C12orf54: variants seen among roughly 807,000 people sequenced by gnomAD.
C12orf54 encodes uncharacterized protein C12orf54.
A neutral mutation model predicts 26.4 loss-of-function variants in C12orf54; 24 were observed. That is an observed-to-expected ratio of 0.91 (90% CI 0.66 to 1.28). The LOEUF is 1.28. Among genes scored for constraint, C12orf54 ranks in the 50% most tolerant of loss-of-function variants. The pLI is 0.00. For synonymous variants in C12orf54, 54 were observed against 47.0 expected (o/e 1.15, Z -0.61); for missense variants, 154 against 150.9 (o/e 1.02, Z -0.11).
the C12orf54 span, among the ~76,000 whole-genome samples, chr12:48,473,950 A>G: frequency 1.3e-5 from 2 of 152,180 alleles, no homozygotes; most frequent in South Asian, 2.1e-4. Context: ...GACATTCCCC[A>G]TCTCTCATCC....
the C12orf54 span, among the ~76,000 whole-genome samples, chr12:48,476,706 T>C: frequency 6.7e-6 from 1 of 149,226 alleles, no homozygotes; most frequent in Non-Finnish European, 1.5e-5. Context: ...CTATCCTAAA[T>C]ATATATGCAC....
the C12orf54 span, among the ~76,000 whole-genome samples, chr12:48,420,192 C>A: frequency 1.1e-3 from 165 of 152,122 alleles, no homozygotes; most frequent in African/African-American, 3.8e-3. Flanking sequence ...ATGATAATAC[C>A]CAGTGGGTGG....
At chr12:48,422,446 C>A in the C12orf54 span, among the ~76,000 whole-genome samples, 5 of 152,104 alleles carry the variant, frequency 3.3e-5, no homozygotes, top group Non-Finnish European at 7.4e-5. Context: ...GGAGGCCATG[C>A]TTTTTAGCTT....
chr12:48,425,365 A>G, the C12orf54 span, among the ~76,000 whole-genome samples: 1 of 152,038 alleles, frequency 6.6e-6, no homozygotes, highest in Non-Finnish European at 1.5e-5. Flanking sequence ...GCTAAGGATA[A>G]TGGTCTCCAG....
the C12orf54 span, among the ~76,000 whole-genome samples, chr12:48,448,612 GC>G: frequency 2.6e-5 from 4 of 152,078 alleles, no homozygotes; most frequent in Non-Finnish European, 1.5e-5. Flanking sequence ...ATAATAACAA[GC>G]CCTTTTTCTC....
chr12:48,477,643 CTAGAAGGAATGCA>C (rs1439838728), upstream of C12orf54, among the ~76,000 whole-genome samples: 2 of 152,172 alleles, frequency 1.3e-5, no homozygotes, highest in Admixed American at 1.3e-4. Flanking sequence ...ACTAGAAAAT[CTAGAAGGAATGCA>C]TAAATTCCTC....
intron 7 of C12orf54, among the ~76,000 whole-genome samples, chr12:48,493,627 TAAAA>T (rs10535607): frequency 0.64 from 79,945 of 124,104 alleles, 25,857 homozygotes; most frequent in South Asian, 0.8. Context: ...ACTGTCTCAT[TAAAA>T]AAAAAAAAAA....
the C12orf54 span, among the ~76,000 whole-genome samples, chr12:48,467,575 G>T: frequency 6.6e-6 from 1 of 151,934 alleles, no homozygotes; most frequent in African/African-American, 2.4e-5. Flanking sequence ...TAAAATTCTA[G>T]AAAATACATA....
chr12:48,429,850 T>A, the C12orf54 span, among the ~76,000 whole-genome samples: 7 of 152,140 alleles, frequency 4.6e-5, no homozygotes, highest in African/African-American at 1.7e-4. Context: ...AGAGCCTACA[T>A]AGCCAAAGCA....
chr12:48,468,926 G>A, the C12orf54 span, among the ~76,000 whole-genome samples: 52 of 152,272 alleles, frequency 3.4e-4, no homozygotes, highest in African/African-American at 1.2e-3. Context: ...GTTCCATGAT[G>A]CCTGAGCCAC....
At chr12:48,424,614 A>T in the C12orf54 span, among the ~76,000 whole-genome samples, 3 of 152,280 alleles carry the variant, frequency 2.0e-5, no homozygotes, top group East Asian at 5.8e-4. Context: ...GGGAATACAG[A>T]ATAGTACAGA....
At chr12:48,421,317 C>A in the C12orf54 span, among the ~76,000 whole-genome samples, 1 of 141,816 alleles carries the variant, frequency 7.1e-6, no homozygotes, top group Admixed American at 7.4e-5. Flanking sequence ...GAACAGAGAG[C>A]GCAGGGAGGT....
chr12:48,463,305 C>T, the C12orf54 span, among the ~76,000 whole-genome samples: 1 of 151,716 alleles, frequency 6.6e-6, no homozygotes, highest in African/African-American at 2.4e-5. Context: ...CCTTTATGCA[C>T]ATAAACTAGA....
At chr12:48,463,453 GC>G in the C12orf54 span, among the ~76,000 whole-genome samples, 1 of 151,872 alleles carries the variant, frequency 6.6e-6, no homozygotes, top group South Asian at 2.1e-4. Flanking sequence ...ACTTTAAAAA[GC>G]CCAGGACCAG....
chr12:48,440,643 A>G, the C12orf54 span, among the ~76,000 whole-genome samples: 1 of 152,228 alleles, frequency 6.6e-6, no homozygotes, highest in Non-Finnish European at 1.5e-5. Flanking sequence ...CTCTGGTTAT[A>G]CATAGGTCCC....
At chr12:48,467,401 G>T in the C12orf54 span, among the ~76,000 whole-genome samples, 2 of 152,138 alleles carry the variant, frequency 1.3e-5, no homozygotes, top group African/African-American at 4.8e-5. Flanking sequence ...GTGGCAATTT[G>T]TTATGGCAGC....
At chr12:48,457,409 C>CT in the C12orf54 span, among the ~76,000 whole-genome samples, 2 of 152,186 alleles carry the variant, frequency 1.3e-5, no homozygotes, top group East Asian at 3.9e-4. Flanking sequence ...TCTCAGCTCA[C>CT]TGCAACCTCT....
chr12:48,475,257 C>A, the C12orf54 span, among the ~76,000 whole-genome samples: 6 of 152,114 alleles, frequency 3.9e-5, no homozygotes, highest in African/African-American at 1.4e-4. Context: ...ATGTCACCAT[C>A]ATCAAAGAAC....
rs1401123578 is a variant in C12orf54, at chr12:48,494,955, A to C, written c.*16A>C. On this transcript the variant is annotated 3_prime_UTR_variant, in exon 8 of 9. Coordinates refer to ENST00000548364, the MANE Select transcript of C12orf54 (RefSeq NM_152319.4). ...TGGACCCTAACTCTACAATCAAGGA[A>C]GAAGGACATCTCTGCTTCCGCCAGG... 6.2e-7 allele frequency: 1 copy of C among 1,611,084 alleles called. No homozygotes were observed. Among genetic ancestry groups the C allele is most frequent in the Admixed American group, 1.7e-5 (1 of 59,950 alleles).
Sources: allele counts gnomAD v4.1 joint callset (sites outside exome capture counted in the v4.1 genomes callset), GRCh38; gene constraint gnomAD v4.1.1; transcripts MANE v1.5; gene names NCBI Gene and HGNC (gene_info 2026-07-23, HGNC 2026-07-21).